Variants in SEC24D observed in about 807,000 individuals in gnomAD.
The protein encoded by SEC24D is SEC24 homolog D, COPII component, also known as protein transport protein Sec24D.
Under a neutral mutation model 116.9 loss-of-function variants are expected in SEC24D, and 69 were observed. The observed-to-expected ratio is 0.59, with a 90% CI of 0.49 to 0.72. The LOEUF is 0.72. Ranked by LOEUF, SEC24D falls within the 30% of genes least tolerant of loss-of-function variation. The probability of loss-of-function intolerance (pLI) is 0.00; values close to 1 mark genes in which losing one functional copy is unlikely to be tolerated. For synonymous variants in SEC24D, 405 were observed against 442.8 expected, an observed-to-expected ratio of 0.91 and a Z score of 1.07; for missense variants, 1,131 against 1,264.1, an observed-to-expected ratio of 0.89 and a Z score of 1.60.
intron 8 of SEC24D, among the ~76,000 whole-genome samples, chr4:118,778,265 T>A (rs1311663995): frequency 6.6e-6 from 1 of 152,214 alleles, no homozygotes; most frequent in African/African-American, 2.4e-5. Context: ...CTTTAATCCA[T>A]CTTGTATTAA....
intron 15 of SEC24D, among the ~76,000 whole-genome samples, chr4:118,741,919 G>A (rs1258871930): frequency 6.6e-6 from 1 of 152,088 alleles, no homozygotes; most frequent in African/African-American, 2.4e-5. Flanking sequence ...GAAATGCTAC[G>A]GCAGGATTCA....
At chr4:118,806,829 T>C (rs1351718570) in intron 6 of SEC24D, among the ~76,000 whole-genome samples, 2 of 150,988 alleles carry the variant, frequency 1.3e-5, no homozygotes, top group Non-Finnish European at 3.0e-5. Flanking sequence ...ACTAAAAAGG[T>C]TTAAAAAATT....
chr4:118,735,358 G>A (rs10023619), intron 19 of SEC24D, among the ~76,000 whole-genome samples: 2 of 152,146 alleles, frequency 1.3e-5, no homozygotes, highest in East Asian at 1.9e-4. Flanking sequence ...CTCCCCACCC[G>A]ACTGACCCCC....
chr4:118,758,187 C>G (rs1233221007), intron 10 of SEC24D, among the ~76,000 whole-genome samples: 1 of 152,138 alleles, frequency 6.6e-6, no homozygotes, highest in Non-Finnish European at 1.5e-5. Context: ...TTGTAACACT[C>G]TGCCTTACAG....
At chr4:118,828,657 T>C (rs1335019660) in intron 2 of SEC24D, among the ~76,000 whole-genome samples, 1 of 152,068 alleles carries the variant, frequency 6.6e-6, no homozygotes, top group Admixed American at 6.5e-5. Context: ...CAAATGTCAA[T>C]AGTGCTGAAG....
At chr4:118,764,970 A>G in intron 9 of SEC24D, 53 bp from the exon 10 acceptor site, 2 of 983,942 alleles carry the variant, frequency 2.0e-6, no homozygotes, top group Non-Finnish European at 3.2e-6. Context: ...AACACAGACA[A>G]TTTAGTAAGT....
At position 118,771,820 on chromosome 4, in the gene SEC24D, G is replaced by A. The variant is rs746507443; in HGVS notation, c.1042-3509C>T. 9.9e-5 allele frequency among the ~76,000 whole-genome samples: 15 copies of A among 151,996 alleles called. No individual in the cohort carries two copies. The Middle Eastern group carries it at 0.01, about 103-fold the overall frequency. On this transcript the variant is annotated intron_variant, in intron 8 of 22. Transcript: ENST00000280551. ...TCCGAGTATTGCTGCCATTCTCTTG[G>A]GTAACTTTAACATTTGTACCACAGG...
intron 3 of SEC24D, among the ~76,000 whole-genome samples, chr4:118,820,865 A>G (rs1440053195): frequency 6.6e-6 from 1 of 152,210 alleles, no homozygotes; most frequent in Non-Finnish European, 1.5e-5. Context: ...CAGATTCACC[A>G]TAGGAAAGAA....
At chr4:118,835,152 A>C (rs1039157210) in intron 1 of SEC24D, among the ~76,000 whole-genome samples, 1 of 152,234 alleles carries the variant, frequency 6.6e-6, no homozygotes, top group East Asian at 1.9e-4. Flanking sequence ...AACCAAGAGC[A>C]CTTAGGAAGT....
chr4:118,822,393 A>G (rs1434530977), intron 3 of SEC24D, among the ~76,000 whole-genome samples: 1 of 152,186 alleles, frequency 6.6e-6, no homozygotes. Context: ...GGTAAAGTCC[A>G]TGGTTTACTC....
intron 8 of SEC24D, among the ~76,000 whole-genome samples, chr4:118,770,829 G>A (rs777122934): frequency 2.0e-5 from 3 of 152,170 alleles, no homozygotes; most frequent in African/African-American, 7.2e-5. Flanking sequence ...GGAAACTGGA[G>A]TCAAGTCATG....
chr4:118,778,092 C>A (rs1215651361), intron 8 of SEC24D, among the ~76,000 whole-genome samples: 1 of 152,172 alleles, frequency 6.6e-6, no homozygotes. Context: ...TTTTGCTGTG[C>A]AGAAGCTCTT....
chr4:118,751,175 G>GGTTTTTTTTTT (rs1560635909), intron 13 of SEC24D, among the ~76,000 whole-genome samples: 3 of 97,328 alleles, frequency 3.1e-5, no homozygotes, highest in African/African-American at 6.3e-5. Flanking sequence ...TAGAGTGAGG[G>GGTTTTTTTTTT]CTTTTTTTTT....
chr4:118,731,511 G>A lies in SEC24D; in HGVS notation c.2677-4C>T, dbSNP rs1210557307. Reference sequence around the variant, plus strand: ...TACTCTTGACATCTAACGTGTGCTGGGCAGGCACAGACAAAAGAGTTAGAA... The same window carrying A: ...TACTCTTGACATCTAACGTGTGCTGAGCAGGCACAGACAAAAGAGTTAGAA... On this transcript the variant is annotated splice_polypyrimidine_tract_variant and splice_region_variant and intron_variant, in intron 20 of 22. Transcript: ENST00000280551. 38 of 1,613,476 alleles carry A rather than the reference G, an allele frequency of 2.4e-5. No homozygotes were observed. Among genetic ancestry groups the A allele is most frequent in the Admixed American group, 3.3e-5 (2 of 59,998 alleles).
intron 8 of SEC24D, among the ~76,000 whole-genome samples, chr4:118,789,585 A>T (rs1240648858): frequency 1.3e-5 from 2 of 152,076 alleles, no homozygotes; most frequent in Non-Finnish European, 2.9e-5. Flanking sequence ...TTATTTATTT[A>T]TTTATTTTTA....
At chr4:118,751,176 C>CTTTTGTTTTTTTTTTT (rs1726808711) in intron 13 of SEC24D, among the ~76,000 whole-genome samples, 1 of 100,326 alleles carries the variant, frequency 1.0e-5, no homozygotes, top group Non-Finnish European at 2.0e-5. Context: ...AGAGTGAGGG[C>CTTTTGTTTTTTTTTTT]TTTTTTTTTT....
At chr4:118,817,964 G>C (rs187497690) in intron 3 of SEC24D, among the ~76,000 whole-genome samples, 18 of 152,056 alleles carry the variant, frequency 1.2e-4, no homozygotes, top group African/African-American at 4.1e-4. Flanking sequence ...TTGAGTCCAG[G>C]AGGTCAAGAC....
rs1726789003 is a variant in SEC24D at position 118,750,804 on chromosome 4, T to C, written c.1707+1192A>G. Among the ~76,000 whole-genome samples the C allele has an allele frequency of 2.0e-5, 3 of 152,266 alleles. No individual in the cohort carries two copies. In the South Asian group the frequency reaches 6.2e-4, roughly 32 times the overall value. On this transcript the variant is annotated intron_variant, in intron 13 of 22. Coordinates refer to ENST00000280551, the MANE Select transcript of SEC24D (RefSeq NM_014822.4). Reference sequence around the variant, plus strand: ...TTAGGTGAGCCTTAATATCTTCAAGTTGCTTTATAATATTTGTTATTAATT... The same window carrying C: ...TTAGGTGAGCCTTAATATCTTCAAGCTGCTTTATAATATTTGTTATTAATT...
intron 2 of SEC24D, among the ~76,000 whole-genome samples, chr4:118,826,724 A>G (rs1560765292): frequency 6.6e-6 from 1 of 151,540 alleles, no homozygotes. Flanking sequence ...CCCTATAGAC[A>G]TGTCTAGAGA....
Sources: gnomAD v4.1 joint callset for allele counts (sites outside exome capture counted in the v4.1 genomes callset) on GRCh38, gnomAD v4.1.1 for gene constraint, MANE v1.5 for transcripts, NCBI Gene and HGNC (gene_info 2026-07-23, HGNC 2026-07-21) for gene names.